Variants in SLC25A38 observed in about 807,000 individuals in gnomAD.
The protein encoded by SLC25A38 is mitochondrial glycine transporter.
SLC25A38 carries 27 observed loss-of-function variants against 33.4 expected under a neutral mutation model. The ratio of observed to expected loss-of-function variants is 0.81; its 90% CI spans 0.60 to 1.11. The LOEUF (loss-of-function observed/expected upper bound fraction) is 1.11, where lower values mean the gene tolerates loss of function less well. Among genes scored for constraint, SLC25A38 ranks in the 50% most tolerant of loss-of-function variants. The pLI is 0.00. For missense variants in SLC25A38, 344 were observed against 388.8 expected, an observed-to-expected ratio of 0.88 and a Z score of 0.97; for synonymous variants, 123 against 145.9, an observed-to-expected ratio of 0.84 and a Z score of 1.13.
In SLC25A38 at chr3:39,383,933, T is replaced by C. The variant is rs908526523; in HGVS notation, c.69+140T>C. 82 of 967,670 alleles carry C rather than the reference T, an allele frequency of 8.5e-5. 1 individual carries two copies. In the East Asian group the frequency reaches 2.1e-3, roughly 25 times the overall value. The allele number at this position is 967,670 out of a possible 1,614,324, so 59.9% of individuals were successfully genotyped here. ...GATTTAGGATGCGGCGGGAGAGGAG[T>C]CTGACTAAGGGAATTGAGAAGGGGG... On this transcript the variant is annotated intron_variant, in intron 1 of 6. Transcript: ENST00000650617.
At chr3:39,391,669 G>A in intron 4 of SLC25A38, 49 bp downstream of exon 4, 2 of 1,613,250 alleles carry the variant, frequency 1.2e-6, no homozygotes, top group Non-Finnish European at 1.7e-6. Flanking sequence ...TTAGCCACTG[G>A]GCTCCTGGGG....
Position 39,389,353 on chromosome 3 carries a change from T to G in SLC25A38, c.70-142T>G. 3 of 1,322,710 alleles carry G rather than the reference T, an allele frequency of 2.3e-6. No homozygotes were observed. The highest frequency in any genetic ancestry group is 1.2e-5 in the South Asian group (1 of 81,868). The allele number at this position is 1,322,710 out of a possible 1,614,324, so 81.9% of individuals were successfully genotyped here. A position where few individuals can be genotyped will look rare whatever the true frequency, so the allele number is the denominator to read the frequency against. ...TTTAATTTCTGGCTATACTTTTTCC[T>G]TCTCCGAGGTATGAAGAAAACATGA... On this transcript the variant is annotated intron_variant, in intron 1 of 6. Transcript: ENST00000650617. This position sits in a 1 kb window ranked among gnomAD's most constrained non-coding sequence, Gnocchi z 4.5.
At chr3:39,393,779 A>C (rs1412872614) in intron 5 of SLC25A38, among the ~76,000 whole-genome samples, 4 of 152,228 alleles carry the variant, frequency 2.6e-5, no homozygotes, top group Non-Finnish European at 5.9e-5. Context: ...GATTACAGGC[A>C]TGTGGCCCAA....
chr3:39,396,710 CAAAAGAGG>C lies in SLC25A38; in HGVS notation c.*192_*199del. The C allele has an allele frequency of 1.2e-6, 1 of 863,524 alleles. No individual in the cohort carries two copies. Among genetic ancestry groups the C allele is most frequent in the Non-Finnish European group, 1.8e-6 (1 of 547,862 alleles). The allele number at this position is 863,524 out of a possible 1,614,324, so 53.5% of individuals were successfully genotyped here. A position where few individuals can be genotyped will look rare whatever the true frequency, so the allele number is the denominator to read the frequency against. On this transcript the variant is annotated 3_prime_UTR_variant, in exon 7 of 7. Transcript: ENST00000650617. ...ACCTGATTTCAGCCTTCAGAATCTC[CAAAAGAGG>C]AGTCATCAATTCATAGAGCACACTA...
In SLC25A38 at chr3:39,383,442, A is replaced by AGGGCAGGAT. The variant is rs1246822712; in HGVS notation, c.-274_-266dup. On this transcript the variant is annotated 5_prime_UTR_variant, in exon 1 of 7. In the 5' UTR this introduces an upstream ATG that the reference lacks. Coordinates refer to ENST00000650617, the MANE Select transcript of SLC25A38 (RefSeq NM_017875.4). ...CTCCTACGGTGCTGAAGCCTGCAGCAGGGCAGGATGGGCAGGAGAGCAGAG... is the reference window on the plus strand; with the variant it reads ...CTCCTACGGTGCTGAAGCCTGCAGCAGGGCAGGATGGGCAGGATGGGCAGGAGAGCAGAG... The AGGGCAGGAT allele has an allele frequency of 2.0e-6, 1 of 493,008 alleles. No homozygotes were observed. The highest frequency in any genetic ancestry group is 3.7e-6 in the Non-Finnish European group (1 of 269,888). The allele number at this position is 493,008 out of a possible 1,614,324, so 30.5% of individuals were successfully genotyped here.
Position 39,396,419 on chromosome 3 carries a change from T to C in SLC25A38, c.814T>C (p.Phe272Leu). 6.2e-7 allele frequency: 1 copy of C among 1,614,140 alleles called. No individual in the cohort carries two copies. The highest frequency in any genetic ancestry group is 8.5e-7 in the Non-Finnish European group (1 of 1,180,026). ...ATAGGACTATGGACTACGTGGCTTC[T>C]TCCAAGGTGGCATCCCCCGAGCCCT... Reference protein sequence around the residue: ...IFKDYGLRGFFQGGIPRALRR... With the variant: ...IFKDYGLRGFLQGGIPRALRR... Residue 272 changes from phenylalanine (F) to leucine (L), a missense_variant, in exon 7 of 7, where the codon TTC becomes CTC. Transcript: ENST00000650617.
intron 3 of SLC25A38, 64 bp from the exon 4 acceptor site, chr3:39,391,377 C>T (rs1349166423): frequency 1.9e-6 from 3 of 1,608,722 alleles, no homozygotes; most frequent in Non-Finnish European, 2.5e-6. Flanking sequence ...TGGGAAAACC[C>T]AGCTAAGATA....
intron 6 of SLC25A38, 88 bp downstream of exon 6, chr3:39,394,664 T>C (rs1254212510): frequency 1.3e-6 from 2 of 1,503,138 alleles, no homozygotes; most frequent in African/African-American, 2.8e-5. Context: ...CACATTAAAA[T>C]TGCCTAGAGA....
chr3:39,391,916 C>T lies in SLC25A38; in HGVS notation c.520C>T (p.His174Tyr), dbSNP rs754922520. Residue 174 changes from histidine (H) to tyrosine (Y), a missense_variant, in exon 5 of 7, where the codon CAC becomes TAC. This residue lies in a region of SLC25A38 where 269 missense variants were observed against 271.8 expected (regional missense o/e 0.99). Coordinates refer to ENST00000650617, the MANE Select transcript of SLC25A38 (RefSeq NM_017875.4). ...GAGGAGCATCTATCACAGTGAGGGG[C>T]ACCGGGGCCTCTTCAGTGGCCTGAC... ...ALRSIYHSEG[H>Y]RGLFSGLTAT... 1.9e-6 allele frequency: 3 copies of T among 1,614,112 alleles called. No homozygotes were observed. The highest frequency in any genetic ancestry group is 3.3e-5 in the Admixed American group (2 of 60,024).
chr3:39,385,736 G>T (rs1023791320), intron 1 of SLC25A38, among the ~76,000 whole-genome samples: 1 of 152,250 alleles, frequency 6.6e-6, no homozygotes, highest in Non-Finnish European at 1.5e-5. Context: ...ATATCACCAT[G>T]AACAAGACAG....
At chr3:39,388,421 C>A (rs1403353398) in intron 1 of SLC25A38, 1 of 152,072 alleles carries the variant, frequency 6.6e-6, no homozygotes, top group African/African-American at 2.4e-5. Flanking sequence ...TTGAGATACA[C>A]TCTCTTCTCT....
intron 1 of SLC25A38, among the ~76,000 whole-genome samples, chr3:39,386,076 G>A (rs1240826291): frequency 6.6e-6 from 1 of 152,192 alleles, no homozygotes; most frequent in African/African-American, 2.4e-5. Flanking sequence ...TATTGGTTTG[G>A]TTGGGTTTTT....
chr3:39,391,951 C>G lies in SLC25A38; in HGVS notation c.555C>G (p.Leu185=). ...TCTTCAGTGGCCTGACAGCAACTCTCCTTCGAGATGCGCCCTTCTCAGGAA... is the reference window on the plus strand; with the variant it reads ...TCTTCAGTGGCCTGACAGCAACTCTGCTTCGAGATGCGCCCTTCTCAGGAA... The part of the protein sequence containing the change: ...RGLFSGLTAT[L]LRDAPFSGIY... The change falls in exon 5 of 7, where the codon CTC becomes CTG. Residue 185 remains leucine, a synonymous_variant. Coordinates refer to ENST00000650617, the MANE Select transcript of SLC25A38 (RefSeq NM_017875.4). 1 of 1,614,212 alleles carries G rather than the reference C, an allele frequency of 6.2e-7. No homozygotes were observed. The highest frequency in any genetic ancestry group is 8.5e-7 in the Non-Finnish European group (1 of 1,180,030).
chr3:39,384,897 G>C (rs978661725), intron 1 of SLC25A38, among the ~76,000 whole-genome samples: 1 of 151,262 alleles, frequency 6.6e-6, no homozygotes, highest in Non-Finnish European at 1.5e-5. Flanking sequence ...TGACTCCCGG[G>C]TTCAAGTATT....
rs748985807 is a variant in SLC25A38, at chr3:39,391,511, T to G, written c.347T>G (p.Leu116Trp). 2 of 1,614,246 alleles carry G rather than the reference T, an allele frequency of 1.2e-6. No individual in the cohort carries two copies. Among genetic ancestry groups the G allele is most frequent in the South Asian group, 2.2e-5 (2 of 91,088 alleles). Residue 116 changes from leucine (L) to tryptophan (W), a missense_variant, in exon 4 of 7, where the codon TTG (leucine) becomes TGG (tryptophan). By Grantham distance (61) the Leu-to-Trp change is moderately conservative. Around this residue, in one of 2 missense-constraint regions of SLC25A38, gnomAD observed 269 missense variants for 271.8 expected, o/e 0.99. Coordinates refer to ENST00000650617, the MANE Select transcript of SLC25A38 (RefSeq NM_017875.4). ...GTLYSLKQYF[L>W]RGHPPTALES... is the part of the protein sequence containing the mutation. ...CTCTACTCTTTGAAGCAGTATTTCTTGCGAGGCCATCCCCCAACCGCCCTG... is the reference window on the plus strand; with the variant it reads ...CTCTACTCTTTGAAGCAGTATTTCTGGCGAGGCCATCCCCCAACCGCCCTG...
chr3:39,396,581 C>G lies in SLC25A38; in HGVS notation c.*61C>G. 1 of 1,612,226 alleles carries G rather than the reference C, an allele frequency of 6.2e-7. No individual in the cohort carries two copies. The highest frequency in any genetic ancestry group is 1.1e-5 in the South Asian group (1 of 90,982). On this transcript the variant is annotated 3_prime_UTR_variant, in exon 7 of 7. Coordinates refer to ENST00000650617, the MANE Select transcript of SLC25A38 (RefSeq NM_017875.4). Reference sequence around the variant, plus strand: ...CCTGCTTGGTTTCTGCCAAGGGCTGCTGCTTCTTACTATTCTGCAGTAAGA... The same window carrying G: ...CCTGCTTGGTTTCTGCCAAGGGCTGGTGCTTCTTACTATTCTGCAGTAAGA...
intron 6 of SLC25A38, 23 bp downstream of exon 6, chr3:39,394,599 G>C: frequency 6.2e-7 from 1 of 1,613,834 alleles, no homozygotes; most frequent in African/African-American, 1.3e-5. Context: ...AATAAGTACT[G>C]GTTCTTGTGG....
intron 5 of SLC25A38, among the ~76,000 whole-genome samples, chr3:39,393,390 G>GT (rs1372723941): frequency 6.6e-6 from 1 of 152,226 alleles, no homozygotes; most frequent in African/African-American, 2.4e-5. Context: ...TTGAGGGTAA[G>GT]TTGGAAACAT....
intron 2 of SLC25A38, 88 bp from the exon 3 acceptor site, chr3:39,390,335 T>A: frequency 7.6e-7 from 1 of 1,318,540 alleles, no homozygotes; most frequent in Non-Finnish European, 1.1e-6. Context: ...AATGAGTCTA[T>A]AAAGGAAGTG....
Sources: gnomAD v4.1 joint callset for allele counts (sites outside exome capture counted in the v4.1 genomes callset) on GRCh38, gnomAD v4.1.1 for gene constraint, gnomAD v4.1.1 regional missense constraint, Gnocchi (gnomAD v3.1) non-coding constraint, MANE v1.5 for transcripts, NCBI Gene and HGNC (gene_info 2026-07-23, HGNC 2026-07-21) for gene names.